The following COL19A1 variants were observed in gnomAD, a reference collection of about 807,000 sequenced individuals.
COL19A1 encodes the protein collagen alpha-1(XIX) chain.
Under a neutral mutation model 190.2 loss-of-function variants are expected in COL19A1, and 159 were observed. That is an observed-to-expected ratio of 0.84 (90% CI 0.73 to 0.95). COL19A1 has a LOEUF of 0.95. COL19A1 is among the 40% of genes least tolerant of loss of function. The pLI is 0.00. For synonymous variants in COL19A1, 509 were observed against 458.9 expected (o/e 1.11, Z -1.39); for missense variants, 1,418 against 1,431.9 (o/e 0.99, Z 0.16).
rs181841788 is a variant in COL19A1 at position 69,926,356 on chromosome 6, T to C, written c.267-1553T>C. Among the ~76,000 whole-genome samples the C allele has an allele frequency of 1.2e-3, 179 of 152,262 alleles. 2 individuals are homozygous for C. Among genetic ancestry groups the C allele is most frequent in the Non-Finnish European group, 1.1e-3 (76 of 68,024 alleles). On this transcript the variant is annotated intron_variant, in intron 4 of 50. Coordinates refer to ENST00000620364, the MANE Select transcript of COL19A1 (RefSeq NM_001858.6). ...TACTTAACAATAACTTTGTCTGCTA[T>C]TTTAAATATACTTAAGTAACTAAAG...
intron 16 of COL19A1, among the ~76,000 whole-genome samples, chr6:70,103,044 G>T (rs1283014401): frequency 6.6e-6 from 1 of 152,108 alleles, no homozygotes; most frequent in Non-Finnish European, 1.5e-5. Flanking sequence ...ATGGATTAAT[G>T]AATGCCAGTT....
At chr6:70,187,995 G>A (rs1371913740) in intron 46 of COL19A1, 80 bp from the exon 47 acceptor site, 7 of 1,529,850 alleles carry the variant, frequency 4.6e-6, no homozygotes, top group Non-Finnish European at 5.3e-6. Context: ...ATAAGTGCCA[G>A]TATGAATCCA....
At chr6:69,992,760 A>G (rs1461239181) in intron 11 of COL19A1, among the ~76,000 whole-genome samples, 2 of 151,828 alleles carry the variant, frequency 1.3e-5, no homozygotes, top group Admixed American at 6.6e-5. Flanking sequence ...CAGCTTGGAC[A>G]TTGTTGATCT....
At chr6:70,063,905 C>A (rs1298557251) in intron 14 of COL19A1, among the ~76,000 whole-genome samples, 1 of 152,166 alleles carries the variant, frequency 6.6e-6, no homozygotes, top group Non-Finnish European at 1.5e-5. Flanking sequence ...TCGACACATA[C>A]ACCCTCCCAA....
chr6:69,961,266 T>C (rs576821674), intron 10 of COL19A1, among the ~76,000 whole-genome samples: 1 of 152,346 alleles, frequency 6.6e-6, no homozygotes, highest in East Asian at 1.9e-4. Context: ...TTACAGATTG[T>C]GTTAAAGAAT....
chr6:70,178,823 A>G (rs1765980044), intron 42 of COL19A1, among the ~76,000 whole-genome samples: 1 of 151,980 alleles, frequency 6.6e-6, no homozygotes, highest in South Asian at 2.1e-4. Flanking sequence ...TTTCCCCTAG[A>G]GCTTCTTTCT....
chr6:70,101,925 T>C (rs376825030), intron 15 of COL19A1, among the ~76,000 whole-genome samples: 3 of 152,224 alleles, frequency 2.0e-5, no homozygotes, highest in East Asian at 1.9e-4. Context: ...CCAAGGTAGA[T>C]AGCATTTAAA....
chr6:69,934,557 A>G (rs1184611722), intron 7 of COL19A1, among the ~76,000 whole-genome samples: 2 of 151,970 alleles, frequency 1.3e-5, no homozygotes, highest in Admixed American at 6.6e-5. Context: ...TAAGAAGTAT[A>G]GGTGATGAAT....
intron 2 of COL19A1, among the ~76,000 whole-genome samples, chr6:69,889,047 C>T (rs896121962): frequency 1.3e-5 from 2 of 152,118 alleles, no homozygotes; most frequent in Non-Finnish European, 2.9e-5. Flanking sequence ...TGCCTAAAGG[C>T]TCTTGTTTTG....
chr6:70,113,408 A>G (rs1486153919), intron 16 of COL19A1, among the ~76,000 whole-genome samples: 1 of 152,142 alleles, frequency 6.6e-6, no homozygotes, highest in Non-Finnish European at 1.5e-5. Context: ...AGTGAAGGAT[A>G]TTTCATTTTC....
chr6:70,144,738 G>A (rs574979304), intron 24 of COL19A1, among the ~76,000 whole-genome samples, 180 bp from the exon 25 acceptor site: 2 of 152,258 alleles, frequency 1.3e-5, no homozygotes, highest in African/African-American at 4.8e-5. Flanking sequence ...GCACTGAACA[G>A]GCATGAATTA....
Position 70,190,360 on chromosome 6 carries a change from G to A in COL19A1, c.3073G>A (p.Glu1025Lys). ...FEEIKKYINQ[E>K]VLRIFEERMA... Reference sequence around the variant, plus strand: ...AGAAATAAAGAAGTATATTAATCAAGAGGTCCTAAGGATTTTTGAAGGTTA... The same window carrying A: ...AGAAATAAAGAAGTATATTAATCAAAAGGTCCTAAGGATTTTTGAAGGTTA... The change falls in exon 48 of 51, where the codon GAG becomes AAG. Residue 1025 changes from glutamate to lysine, a missense_variant. Glu to Lys is a moderately conservative substitution (Grantham distance 56). Transcript: ENST00000620364. 1 of 1,603,990 alleles carries A rather than the reference G, an allele frequency of 6.2e-7. No homozygotes were observed.
At chr6:70,151,347 T>C (rs2150246720) in intron 30 of COL19A1, 50 bp from the exon 31 acceptor site, 2 of 1,549,784 alleles carry the variant, frequency 1.3e-6, no homozygotes, top group South Asian at 2.2e-5. Context: ...TTATATTGTA[T>C]TGTGTTCATA....
At chr6:69,961,139 T>A (rs1774776497) in intron 10 of COL19A1, among the ~76,000 whole-genome samples, 1 of 152,216 alleles carries the variant, frequency 6.6e-6, no homozygotes, top group Admixed American at 6.5e-5. Flanking sequence ...GCATATCATT[T>A]CTGTGCTCTG....
At chr6:70,197,762 C>T (rs189724675) in intron 48 of COL19A1, among the ~76,000 whole-genome samples, 262 of 152,254 alleles carry the variant, frequency 1.7e-3, no homozygotes, top group Middle Eastern at 0.017. Context: ...TGTTGGCCTC[C>T]CATTCATCCT....
intron 15 of COL19A1, among the ~76,000 whole-genome samples, chr6:70,069,464 A>G (rs1781427780): frequency 6.6e-6 from 1 of 152,096 alleles, no homozygotes; most frequent in South Asian, 2.1e-4. Flanking sequence ...CTCTTATCGT[A>G]TGGATTCTGG....
intron 11 of COL19A1, among the ~76,000 whole-genome samples, chr6:70,008,045 T>C (rs1335334067): frequency 6.6e-6 from 1 of 151,838 alleles, no homozygotes; most frequent in Non-Finnish European, 1.5e-5. Flanking sequence ...AAAACAAGTT[T>C]AGTTGTATAG....
chr6:70,191,253 A>T (rs892759082), intron 48 of COL19A1, among the ~76,000 whole-genome samples: 1 of 152,194 alleles, frequency 6.6e-6, no homozygotes, highest in East Asian at 1.9e-4. Context: ...ACAGCCCTGG[A>T]TCTTCCTTAT....
At chr6:69,991,577 A>G (rs1776624585) in intron 11 of COL19A1, among the ~76,000 whole-genome samples, 1 of 152,094 alleles carries the variant, frequency 6.6e-6, no homozygotes, top group Non-Finnish European at 1.5e-5. Flanking sequence ...AATAATAGCC[A>G]TCCTGATTGG....
Sources: allele counts gnomAD v4.1 joint callset (sites outside exome capture counted in the v4.1 genomes callset), GRCh38; gene constraint gnomAD v4.1.1; transcripts MANE v1.5; gene names NCBI Gene and HGNC (gene_info 2026-07-23, HGNC 2026-07-21).